The following LRP2 variants were observed in gnomAD, a reference collection of about 807,000 sequenced individuals.
LRP2 encodes the protein LDL receptor related protein 2, also known as low-density lipoprotein receptor-related protein 2.
LRP2 carries 172 observed loss-of-function variants against 531.0 expected under a neutral mutation model. The observed-to-expected ratio is 0.32, with a 90% CI of 0.29 to 0.37. LRP2 has a LOEUF of 0.37. LRP2 is among the 10% of genes least tolerant of loss of function. The pLI is 1.00. For missense variants in LRP2, 5,167 were observed against 5,868.3 expected (o/e 0.88, Z 3.90); for synonymous variants, 1,992 against 2,027.6 (o/e 0.98, Z 0.47).
chr2:169,192,103 A>T, intron 47 of LRP2, 70 bp from the exon 48 acceptor site: 1 of 1,206,454 alleles, frequency 8.3e-7, no homozygotes, highest in Admixed American at 2.0e-5. Flanking sequence ...CTTTGCTTTA[A>T]TGTTACTTAC....
At chr2:169,221,449 C>G (rs1333686624) in intron 33 of LRP2, among the ~76,000 whole-genome samples, 1 of 152,108 alleles carries the variant, frequency 6.6e-6, no homozygotes, top group Non-Finnish European at 1.5e-5. Flanking sequence ...GTTAACAGGG[C>G]CCTGATACAG....
At chr2:169,139,061 T>G (rs978551127) in intron 74 of LRP2, among the ~76,000 whole-genome samples, 190 bp downstream of exon 74, 2 of 152,222 alleles carry the variant, frequency 1.3e-5, no homozygotes, top group African/African-American at 4.8e-5. Flanking sequence ...ACTCAGGCTT[T>G]AGAGAAGCAC....
intron 31 of LRP2, among the ~76,000 whole-genome samples, chr2:169,231,308 AAGAAAG>A (rs1689391304): frequency 7.0e-6 from 1 of 143,070 alleles, no homozygotes; most frequent in Admixed American, 6.9e-5. Context: ...AGAAAAAAAA[AAGAAAG>A]AAAGAAAAAA....
At chr2:169,247,043 C>T (rs1002772446) in intron 20 of LRP2, 57 bp from the exon 21 acceptor site, 55 of 1,590,730 alleles carry the variant, frequency 3.5e-5, no homozygotes, top group African/African-American at 8.1e-5. Flanking sequence ...AGGTAGGTCA[C>T]GGGTTTGATT....
At chr2:169,354,163 C>A (rs1004270255) in intron 1 of LRP2, among the ~76,000 whole-genome samples, 9 of 152,162 alleles carry the variant, frequency 5.9e-5, no homozygotes, top group Non-Finnish European at 1.0e-4. Flanking sequence ...CCAAGAATGT[C>A]CAGCATAACA....
At chr2:169,207,680 G>A (rs1277992476) in intron 38 of LRP2, among the ~76,000 whole-genome samples, 1 of 152,086 alleles carries the variant, frequency 6.6e-6, no homozygotes. Context: ...AGCATCTCAG[G>A]TTGTTATTAA....
intron 77 of LRP2, among the ~76,000 whole-genome samples, chr2:169,129,543 A>C (rs891661238): frequency 6.6e-6 from 1 of 152,210 alleles, no homozygotes; most frequent in Non-Finnish European, 1.5e-5. Context: ...TTCTCCCTTC[A>C]TCATTCCCTC....
rs149524265 is a variant in LRP2, at chr2:169,258,406, T to G, written c.2513+619A>C. Among the ~76,000 whole-genome samples, 1,083 of 152,240 alleles carry G rather than the reference T, an allele frequency of 7.1e-3. 7 individuals carry two copies. The highest frequency in any genetic ancestry group is 0.041 in the Middle Eastern group (12 of 294). On this transcript the variant is annotated intron_variant, in intron 17 of 78. Transcript: ENST00000649046. ...TGTTCCCTGGGTAATCAGGCATTGG[T>G]GGGTTAGCAGCCATCTTTTTTATCA...
At chr2:169,268,173 G>A (rs1683285360) in intron 16 of LRP2, among the ~76,000 whole-genome samples, 1 of 152,152 alleles carries the variant, frequency 6.6e-6, no homozygotes, top group Non-Finnish European at 1.5e-5. Context: ...AATTCTACCA[G>A]AGGTACAAAG....
At chr2:169,314,636 G>C (rs1027574472) in intron 3 of LRP2, among the ~76,000 whole-genome samples, 1 of 151,914 alleles carries the variant, frequency 6.6e-6, no homozygotes, top group Non-Finnish European at 1.5e-5. Flanking sequence ...TATAATTCTG[G>C]AACAGCAAAC....
At chr2:169,257,305 T>C in intron 17 of LRP2, 56 bp from the exon 18 acceptor site, 1 of 1,576,828 alleles carries the variant, frequency 6.3e-7, no homozygotes, top group South Asian at 1.1e-5. Flanking sequence ...CTACATGACT[T>C]CCAGAGATTT....
intron 31 of LRP2, 56 bp from the exon 32 acceptor site, chr2:169,226,644 A>ATC: frequency 1.5e-6 from 2 of 1,363,220 alleles, no homozygotes; most frequent in Non-Finnish European, 2.1e-6. Context: ...CCAGACATTT[A>ATC]GAGTAATGGA....
At chr2:169,336,697 G>A (rs759222270) in intron 1 of LRP2, among the ~76,000 whole-genome samples, 1 of 152,106 alleles carries the variant, frequency 6.6e-6, no homozygotes, top group African/African-American at 2.4e-5. Flanking sequence ...TAAATGCAAC[G>A]CAACAAACAG....
chr2:169,310,909 T>C (rs1221810157), intron 3 of LRP2, among the ~76,000 whole-genome samples: 4 of 152,216 alleles, frequency 2.6e-5, no homozygotes, highest in Non-Finnish European at 5.9e-5. Context: ...GGGATTCAAC[T>C]TCTTCCTGGT....
intron 1 of LRP2, among the ~76,000 whole-genome samples, chr2:169,333,518 G>T (rs538098532): frequency 6.9e-6 from 1 of 144,458 alleles, no homozygotes; most frequent in Non-Finnish European, 1.5e-5. Context: ...GGAAGGAAGG[G>T]AGGGAGGGAG....
intron 1 of LRP2, among the ~76,000 whole-genome samples, chr2:169,361,079 T>C (rs564504801): frequency 6.6e-6 from 1 of 152,296 alleles, no homozygotes; most frequent in Non-Finnish European, 1.5e-5. Flanking sequence ...TTCATTTTCA[T>C]TGTAGGGCAA....
At chr2:169,328,810 T>C (rs1157775980) in intron 1 of LRP2, among the ~76,000 whole-genome samples, 1 of 152,244 alleles carries the variant, frequency 6.6e-6, no homozygotes, top group Non-Finnish European at 1.5e-5. Flanking sequence ...CTCCAGAGCC[T>C]GTACTTATTT....
intron 34 of LRP2, among the ~76,000 whole-genome samples, chr2:169,217,017 A>G (rs1225948733): frequency 1.3e-5 from 2 of 152,146 alleles, no homozygotes; most frequent in East Asian, 3.8e-4. Context: ...GGGGTAAGGA[A>G]GACTTCTTTT....
At chr2:169,316,703 T>A (rs1170259747) in intron 3 of LRP2, among the ~76,000 whole-genome samples, 1 of 152,042 alleles carries the variant, frequency 6.6e-6, no homozygotes, top group African/African-American at 2.4e-5. Flanking sequence ...AACACAGATT[T>A]AAGTCTCATC....
Sources: allele counts gnomAD v4.1 joint callset (sites outside exome capture counted in the v4.1 genomes callset), GRCh38; gene constraint gnomAD v4.1.1; transcripts MANE v1.5; gene names NCBI Gene and HGNC (gene_info 2026-07-23, HGNC 2026-07-21).